NTSR2: variants seen among roughly 807,000 people sequenced by gnomAD.
NTSR2 encodes the protein neurotensin receptor type 2.
NTSR2 carries 22 observed loss-of-function variants against 24.1 expected under a neutral mutation model. The observed-to-expected ratio is 0.91, with a 90% CI of 0.65 to 1.30. The LOEUF is 1.30. Among genes scored for constraint, NTSR2 ranks in the 50% most tolerant of loss-of-function variants. NTSR2 has a pLI of 0.00. For missense variants in NTSR2, 570 were observed against 570.4 expected, an observed-to-expected ratio of 1.00 and a Z score of 0.01; for synonymous variants, 291 against 267.0, an observed-to-expected ratio of 1.09 and a Z score of -0.88.
At position 11,670,060 on chromosome 2, in the gene NTSR2, C is replaced by G. The variant is rs1298087262; in HGVS notation, c.70G>C (p.Gly24Arg). 6.8e-7 allele frequency: 1 copy of G among 1,473,754 alleles called. No individual in the cohort carries two copies. The highest frequency in any genetic ancestry group is 8.9e-7 in the Non-Finnish European group (1 of 1,119,484). The allele number at this position is 1,473,754 out of a possible 1,614,324, so 91.3% of individuals were successfully genotyped here. A position where few individuals can be genotyped will look rare whatever the true frequency, so the allele number is the denominator to read the frequency against. Residue 24 changes from glycine to arginine, a missense_variant, in exon 1 of 4, where the codon GGC (glycine) becomes CGC (arginine). Transcript: ENST00000306928. ...TTGGCCCAGAGGCGAGTGTCCACGC[C>G]CAGCCGGGCGTCCAGGCTCAGCCCC... ...NPGLSLDARL[G>R]VDTRLWAKVL...
At chr2:11,660,021 A>G (rs751275637) in intron 3 of NTSR2, 22 bp downstream of exon 3, 4 of 1,605,660 alleles carry the variant, frequency 2.5e-6, no homozygotes, top group South Asian at 1.1e-5. Context: ...CCTGTGTGCT[A>G]GGGTCCTTCT....
In NTSR2 at chr2:11,658,396, T is replaced by C. The variant is rs970509973; in HGVS notation, c.*83A>G. On this transcript the variant is annotated 3_prime_UTR_variant, in exon 4 of 4. Transcript: ENST00000306928. ...CGCCCTGGCTGCGAAGCTTGAATGA[T>C]TAGTGATGAGGTTGCTCACCTGCTT... 6.0e-6 allele frequency: 9 copies of C among 1,507,540 alleles called. No individual in the cohort carries two copies. The highest frequency in any genetic ancestry group is 1.4e-5 in the African/African-American group (1 of 71,540). The allele number at this position is 1,507,540 out of a possible 1,614,324, so 93.4% of individuals were successfully genotyped here. A position where few individuals can be genotyped will look rare whatever the true frequency, so the allele number is the denominator to read the frequency against.
intron 3 of NTSR2, among the ~76,000 whole-genome samples, chr2:11,658,936 C>T (rs1489729687): frequency 2.0e-5 from 3 of 152,148 alleles, no homozygotes; most frequent in Non-Finnish European, 2.9e-5. Flanking sequence ...TCACTGCAAC[C>T]TCCGCCTTCT....
At chr2:11,666,705 A>C (rs1222931015) in intron 1 of NTSR2, among the ~76,000 whole-genome samples, 1 of 152,192 alleles carries the variant, frequency 6.6e-6, no homozygotes, top group Non-Finnish European at 1.5e-5. Context: ...ATCAAAAACG[A>C]AACAAAAAGT....
chr2:11,662,712 C>T (rs58288290), intron 1 of NTSR2, among the ~76,000 whole-genome samples: 1,817 of 152,120 alleles, frequency 0.012, 42 homozygotes, highest in African/African-American at 0.041. Context: ...ACCCAGGAGG[C>T]GGAGCTTGCA....
At chr2:11,669,460 G>GGGGGCGGGGGGGGCCCC in intron 1 of NTSR2, 46 bp downstream of exon 1, 1 of 254,726 alleles carries the variant, frequency 3.9e-6, no homozygotes, top group Non-Finnish European at 6.9e-6. Flanking sequence ...TCCCAGCACC[G>GGGGGCGGGGGGGGCCCC]CCCCCCCACC....
At chr2:11,664,662 G>A (rs906307315) in intron 1 of NTSR2, among the ~76,000 whole-genome samples, 3 of 152,222 alleles carry the variant, frequency 2.0e-5, no homozygotes, top group African/African-American at 4.8e-5. Flanking sequence ...TACCAGTCAA[G>A]ACAAAGATCA....
chr2:11,669,657 A>G lies in NTSR2; in HGVS notation c.473T>C (p.Leu158Pro). ...TPRRTRWLVA[L>P]SWAASLGLAL... ...GAGGCCGAGCGAGGCGGCCCACGAG[A>G]GCGCCACCAGCCACCGGGTCCGGCG... The change falls in exon 1 of 4, where the codon CTC becomes CCC. Residue 158 changes from leucine to proline, a missense_variant. Coordinates refer to ENST00000306928, the MANE Select transcript of NTSR2 (RefSeq NM_012344.4). The G allele has an allele frequency of 1.3e-6, 2 of 1,548,086 alleles. No homozygotes were observed. Among genetic ancestry groups the G allele is most frequent in the Non-Finnish European group, 1.7e-6 (2 of 1,152,938 alleles).
rs377014236 is a variant in NTSR2, at chr2:11,660,052, G to A, written c.980C>T (p.Ala327Val). 190 of 1,613,800 alleles carry A rather than the reference G, an allele frequency of 1.2e-4. 1 individual carries two copies. Among genetic ancestry groups the A allele is most frequent in the South Asian group, 5.4e-4 (49 of 91,078 alleles). ...CTTCTGCCACACTCACTCAGTCCACGCGTCATCAGGTACGTAGCAGTACAT... is the reference window on the plus strand; with the variant it reads ...CTTCTGCCACACTCACTCAGTCCACACGTCATCAGGTACGTAGCAGTACAT... ...RLMYCYVPDD[A>V]WTDPLYNFYH... Residue 327 changes from alanine to valine, a missense_variant, in exon 3 of 4, where the codon GCG becomes GTG. By Grantham distance (64) the Ala-to-Val change is moderately conservative. Transcript: ENST00000306928.
Position 11,669,999 on chromosome 2 carries a change from G to C in NTSR2, c.131C>G (p.Ala44Gly). 6.6e-7 allele frequency: 1 copy of C among 1,516,168 alleles called. No homozygotes were observed. The highest frequency in any genetic ancestry group is 8.8e-7 in the Non-Finnish European group (1 of 1,138,192). 93.9% of individuals were successfully genotyped at this position (1,516,168 alleles called of 1,614,324 possible). ...LFTALYALIW[A>G]LGAAGNALSA... The stretch of plus-strand genomic sequence containing the variant: ...CAGCGCATTGCCCGCCGCGCCCAGC[G>C]CCCAGATGAGTGCGTAGAGCGCGGT... Residue 44 changes from alanine (A) to glycine (G), a missense_variant, in exon 1 of 4, where the codon GCG becomes GGG. By Grantham distance (60) the Ala-to-Gly change is moderately conservative. Coordinates refer to ENST00000306928, the MANE Select transcript of NTSR2 (RefSeq NM_012344.4).
At chr2:11,665,064 T>G (rs930799418) in intron 1 of NTSR2, among the ~76,000 whole-genome samples, 9 of 146,072 alleles carry the variant, frequency 6.2e-5, no homozygotes, top group Non-Finnish European at 1.2e-4. Context: ...TGTTTTTTTT[T>G]TTTTTTTTTT....
intron 1 of NTSR2, among the ~76,000 whole-genome samples, chr2:11,667,872 G>C (rs1357336014): frequency 6.6e-6 from 1 of 152,198 alleles, no homozygotes; most frequent in Non-Finnish European, 1.5e-5. Context: ...CAGATTCCAT[G>C]TGATGAGCAA....
intron 1 of NTSR2, among the ~76,000 whole-genome samples, chr2:11,668,467 G>A (rs1003029283): frequency 6.6e-6 from 1 of 152,164 alleles, no homozygotes; most frequent in Admixed American, 6.5e-5. Flanking sequence ...GACTGCTTAG[G>A]ACGAGTCCCC....
At chr2:11,667,645 T>C (rs910008578) in intron 1 of NTSR2, among the ~76,000 whole-genome samples, 1 of 152,214 alleles carries the variant, frequency 6.6e-6, no homozygotes, top group Non-Finnish European at 1.5e-5. Flanking sequence ...GCACCGAGCC[T>C]TATAAACTTT....
chr2:11,660,537 A>T (rs1337356529), intron 2 of NTSR2, among the ~76,000 whole-genome samples: 1 of 152,182 alleles, frequency 6.6e-6, no homozygotes. Context: ...AAGCCGAGGC[A>T]GGTGGATCAG....
At chr2:11,669,460 G>GGGCGGGGGGGGCCCC in intron 1 of NTSR2, 46 bp downstream of exon 1, 1 of 254,726 alleles carries the variant, frequency 3.9e-6, no homozygotes, top group Non-Finnish European at 6.9e-6. Context: ...TCCCAGCACC[G>GGGCGGGGGGGGCCCC]CCCCCCCACC....
intron 1 of NTSR2, among the ~76,000 whole-genome samples, chr2:11,667,999 C>G (rs192243225): frequency 6.6e-6 from 1 of 152,340 alleles, no homozygotes; most frequent in East Asian, 1.9e-4. Flanking sequence ...AGCCACTCCA[C>G]AGAGGTACAC....
intron 1 of NTSR2, among the ~76,000 whole-genome samples, chr2:11,667,118 T>C (rs937080613): frequency 6.6e-6 from 1 of 152,194 alleles, no homozygotes; most frequent in African/African-American, 2.4e-5. Context: ...TCTTTCTGAG[T>C]CTGGGAAGAG....
chr2:11,658,894 C>G (rs1660999829), intron 3 of NTSR2, among the ~76,000 whole-genome samples, 172 bp from the exon 4 acceptor site: 1 of 152,200 alleles, frequency 6.6e-6, no homozygotes, highest in African/African-American at 2.4e-5. Context: ...GAGTCTTGCT[C>G]TGTCTCCCAG....
Sources: allele counts gnomAD v4.1 joint callset (sites outside exome capture counted in the v4.1 genomes callset), GRCh38; gene constraint gnomAD v4.1.1; transcripts MANE v1.5; gene names NCBI Gene and HGNC (gene_info 2026-07-23, HGNC 2026-07-21).